The following NRXN1 variants were observed in gnomAD, a reference collection of about 807,000 sequenced individuals.
The protein encoded by NRXN1 is neurexin-1.
NRXN1 carries 39 observed loss-of-function variants against 150.9 expected under a neutral mutation model. That is an observed-to-expected ratio of 0.26 (90% confidence interval 0.20 to 0.34). The LOEUF is 0.34. Among genes scored for constraint, NRXN1 ranks in the 10% least tolerant of loss-of-function variants. NRXN1 has a pLI of 1.00. For missense variants in NRXN1, 1,815 were observed against 1,949.9 expected, an observed-to-expected ratio of 0.93 and a Z score of 1.30; for synonymous variants, 924 against 757.0, an observed-to-expected ratio of 1.22 and a Z score of -3.62.
chr2:50,767,098 T>C (rs13014442), intron 5 of NRXN1, among the ~76,000 whole-genome samples: 1 of 151,902 alleles, frequency 6.6e-6, no homozygotes, highest in Non-Finnish European at 1.5e-5. Context: ...TGAATGCAGT[T>C]GCCCAGGAAA....
intron 18 of NRXN1, among the ~76,000 whole-genome samples, chr2:50,226,017 G>A (rs368312241): frequency 8.6e-5 from 13 of 151,902 alleles, no homozygotes; most frequent in East Asian, 1.9e-4. Context: ...GAGTTATCTC[G>A]TTCAGCCTGA....
chr2:50,051,715 A>C (rs1217443181), intron 21 of NRXN1, among the ~76,000 whole-genome samples: 1 of 152,056 alleles, frequency 6.6e-6, no homozygotes. Context: ...AAATCAACAA[A>C]AGGATCACAT....
intron 17 of NRXN1, among the ~76,000 whole-genome samples, chr2:50,357,649 G>C (rs1174680284): frequency 6.6e-6 from 1 of 152,124 alleles, no homozygotes; most frequent in East Asian, 1.9e-4. Flanking sequence ...ATTGAAGGGA[G>C]AGGCAAATTT....
chr2:50,626,323 C>A (rs1681043577), intron 5 of NRXN1, among the ~76,000 whole-genome samples: 1 of 151,228 alleles, frequency 6.6e-6, no homozygotes, highest in South Asian at 2.1e-4. Context: ...AAAAAGAGTC[C>A]CAAATAGCCA....
chr2:50,696,408 G>C (rs534437899), intron 5 of NRXN1: 2 of 152,672 alleles, frequency 1.3e-5, no homozygotes, highest in African/African-American at 2.4e-5. Context: ...TATTCTGATG[G>C]AGAGTTAGAA....
At chr2:50,569,195 T>C (rs1670296391) in intron 8 of NRXN1, among the ~76,000 whole-genome samples, 1 of 152,090 alleles carries the variant, frequency 6.6e-6, no homozygotes, top group South Asian at 2.1e-4. Flanking sequence ...AAAAATATAA[T>C]TAGACAGAAT....
chr2:50,494,041 A>C (rs2091419155), intron 15 of NRXN1, among the ~76,000 whole-genome samples: 1 of 152,198 alleles, frequency 6.6e-6, no homozygotes, highest in African/African-American at 2.4e-5. Context: ...CCCCACCAGA[A>C]AGAATCCTAG....
intron 12 of NRXN1, among the ~76,000 whole-genome samples, chr2:50,520,930 A>T (rs923227750): frequency 4.6e-5 from 7 of 152,058 alleles, no homozygotes; most frequent in African/African-American, 1.7e-4. Flanking sequence ...ATCTGTAAAA[A>T]CAACTTTAAG....
At chr2:50,015,224 C>A (rs189361824) in intron 21 of NRXN1, among the ~76,000 whole-genome samples, 14 of 152,166 alleles carry the variant, frequency 9.2e-5, no homozygotes, top group African/African-American at 3.4e-4. Flanking sequence ...ATATGCCTAA[C>A]TGTCCTAACA....
chr2:50,965,212 A>C (rs747865030), intron 2 of NRXN1, among the ~76,000 whole-genome samples: 3 of 151,440 alleles, frequency 2.0e-5, no homozygotes, highest in Non-Finnish European at 3.0e-5. Context: ...CAGATGCAAT[A>C]CATAACTATT....
At chr2:50,510,437 G>T (rs1248958923) in intron 12 of NRXN1, among the ~76,000 whole-genome samples, 1 of 118,848 alleles carries the variant, frequency 8.4e-6, no homozygotes, top group Non-Finnish European at 1.6e-5. Context: ...AGTGAGCCGA[G>T]ATCTCGCCAT....
intron 2 of NRXN1, among the ~76,000 whole-genome samples, chr2:50,983,816 T>C (rs1697229285): frequency 6.6e-6 from 1 of 152,130 alleles, no homozygotes; most frequent in Non-Finnish European, 1.5e-5. Context: ...TTCTTCAAGA[T>C]ACTTACTAGG....
chr2:50,517,503 T>A (rs2092664098), intron 12 of NRXN1, among the ~76,000 whole-genome samples: 1 of 152,114 alleles, frequency 6.6e-6, no homozygotes, highest in African/African-American at 2.4e-5. Flanking sequence ...ATGCCTCCAT[T>A]CACTAAGAAA....
chr2:49,993,886 T>C (rs1682464378), intron 21 of NRXN1, among the ~76,000 whole-genome samples: 1 of 152,202 alleles, frequency 6.6e-6, no homozygotes, highest in Non-Finnish European at 1.5e-5. Flanking sequence ...TACATTTGTA[T>C]CTCTTGAAGA....
intron 18 of NRXN1, among the ~76,000 whole-genome samples, chr2:50,167,274 T>TTTA: frequency 6.6e-6 from 1 of 152,298 alleles, no homozygotes. Flanking sequence ...ATTCCTTTTA[T>TTTA]TTTAGTATAT....
chr2:50,482,814 C>A (rs1382708150), intron 15 of NRXN1, among the ~76,000 whole-genome samples: 1 of 151,930 alleles, frequency 6.6e-6, no homozygotes, highest in Non-Finnish European at 1.5e-5. Context: ...AGAATCTGGC[C>A]AACAGGCGCG....
intron 17 of NRXN1, among the ~76,000 whole-genome samples, chr2:50,444,547 G>A (rs1488090618): frequency 2.0e-5 from 3 of 152,056 alleles, no homozygotes; most frequent in African/African-American, 7.2e-5. Context: ...CTCGAATTAC[G>A]TGTCTGCCTA....
intron 5 of NRXN1, among the ~76,000 whole-genome samples, chr2:50,671,269 T>A (rs1228293925): frequency 6.6e-6 from 1 of 151,784 alleles, no homozygotes; most frequent in Non-Finnish European, 1.5e-5. Flanking sequence ...GACTAATAAC[T>A]TTTCTATTCT....
chr2:50,561,466 T>A (rs1669066708), intron 8 of NRXN1, among the ~76,000 whole-genome samples: 3 of 152,200 alleles, frequency 2.0e-5, no homozygotes, highest in Admixed American at 2.0e-4. Flanking sequence ...AAACTGAGGC[T>A]TAAAAGGCTA....
Sources: allele counts gnomAD v4.1 joint callset (sites outside exome capture counted in the v4.1 genomes callset), GRCh38; gene constraint gnomAD v4.1.1; transcripts MANE v1.5; gene names NCBI Gene and HGNC (gene_info 2026-07-23, HGNC 2026-07-21).